SLC4A10: variants seen among roughly 807,000 people sequenced by gnomAD.
SLC4A10 encodes solute carrier family 4 member 10.
In SLC4A10, 42 loss-of-function variants were observed where a neutral mutation model predicts 137.7. That is an observed-to-expected ratio of 0.30 (90% confidence interval 0.24 to 0.39). SLC4A10 has a LOEUF of 0.39. Ranked by LOEUF, SLC4A10 falls within the 10% of genes least tolerant of loss-of-function variation. SLC4A10 has a pLI of 1.00. For synonymous variants in SLC4A10, 474 were observed against 464.1 expected (o/e 1.02, Z -0.27); for missense variants, 925 against 1,355.0 (o/e 0.68, Z 4.98).
intron 3 of SLC4A10, among the ~76,000 whole-genome samples, chr2:161,834,484 C>A (rs921722116): frequency 5.3e-5 from 8 of 152,036 alleles, no homozygotes; most frequent in African/African-American, 1.9e-4. Flanking sequence ...CTGGAGCCTC[C>A]CACATAAAGA....
intron 15 of SLC4A10, among the ~76,000 whole-genome samples, chr2:161,938,483 G>T (rs942281484): frequency 1.3e-5 from 2 of 150,932 alleles, no homozygotes; most frequent in African/African-American, 2.4e-5. Flanking sequence ...GATATTTATA[G>T]ATTATTATTA....
At chr2:161,681,827 G>T (rs1016307335) in intron 1 of SLC4A10, among the ~76,000 whole-genome samples, 6 of 152,050 alleles carry the variant, frequency 3.9e-5, no homozygotes, top group African/African-American at 1.2e-4. Context: ...GTGGGAAAAT[G>T]GGATCATGGA....
At chr2:161,625,753 G>A (rs2032213803) in intron 1 of SLC4A10, among the ~76,000 whole-genome samples, 1 of 152,048 alleles carries the variant, frequency 6.6e-6, no homozygotes, top group African/African-American at 2.4e-5. Flanking sequence ...CAACTGTGGC[G>A]ACTGAGCATG....
chr2:161,915,643 C>G (rs1686951160), intron 15 of SLC4A10, among the ~76,000 whole-genome samples: 1 of 151,236 alleles, frequency 6.6e-6, no homozygotes, highest in Non-Finnish European at 1.5e-5. Context: ...TGCCACAGAG[C>G]CTACACAGAG....
intron 3 of SLC4A10, among the ~76,000 whole-genome samples, chr2:161,828,786 ATATATAT>A (rs1559342834): frequency 8.9e-6 from 1 of 112,258 alleles, no homozygotes; most frequent in African/African-American, 3.5e-5. Context: ...ATATATATAT[ATATATAT>A]ATATATATAT....
intron 4 of SLC4A10, among the ~76,000 whole-genome samples, chr2:161,851,136 G>A (rs879661541): frequency 4.6e-5 from 7 of 152,124 alleles, no homozygotes; most frequent in Admixed American, 3.3e-4. Flanking sequence ...TAAGTATGTG[G>A]TCAATTTTAG....
chr2:161,759,142 T>C (rs1319078313), intron 1 of SLC4A10, among the ~76,000 whole-genome samples: 3 of 151,948 alleles, frequency 2.0e-5, no homozygotes, highest in African/African-American at 4.8e-5. Flanking sequence ...GGTGTCTTGG[T>C]TGGAAATTTT....
At chr2:161,877,885 A>G (rs755421319) in intron 8 of SLC4A10, among the ~76,000 whole-genome samples, 25 of 151,932 alleles carry the variant, frequency 1.6e-4, no homozygotes, top group Non-Finnish European at 3.5e-4. Flanking sequence ...TTTATATTTA[A>G]TCCTTGTGAA....
intron 16 of SLC4A10, among the ~76,000 whole-genome samples, chr2:161,943,953 T>G (rs1210014206): frequency 2.6e-5 from 4 of 151,960 alleles, no homozygotes; most frequent in Admixed American, 2.6e-4. Context: ...CTTTCAAAAT[T>G]GAAATCAAAT....
At chr2:161,914,346 A>G (rs909539816) in intron 15 of SLC4A10, among the ~76,000 whole-genome samples, 1 of 151,996 alleles carries the variant, frequency 6.6e-6, no homozygotes, top group Non-Finnish European at 1.5e-5. Context: ...TATAACCCCC[A>G]CCCCACCAAA....
chr2:161,851,722 G>T (rs1366859563), intron 4 of SLC4A10, among the ~76,000 whole-genome samples: 1 of 152,056 alleles, frequency 6.6e-6, no homozygotes, highest in African/African-American at 2.4e-5. Context: ...TTTTAAAAGT[G>T]AATTTGTTAT....
intron 1 of SLC4A10, among the ~76,000 whole-genome samples, chr2:161,630,862 T>C (rs1224002094): frequency 6.6e-6 from 1 of 151,750 alleles, no homozygotes; most frequent in Non-Finnish European, 1.5e-5. Flanking sequence ...CAAGTTCACA[T>C]AGCTAAGAAG....
At chr2:161,663,597 G>A (rs190877774) in intron 1 of SLC4A10, among the ~76,000 whole-genome samples, 2 of 152,144 alleles carry the variant, frequency 1.3e-5, no homozygotes, top group East Asian at 3.9e-4. Flanking sequence ...TTAAAGTGAG[G>A]GAAAATATAA....
At chr2:161,836,654 GA>G (rs34914585) in intron 3 of SLC4A10, among the ~76,000 whole-genome samples, 83,386 of 125,720 alleles carry the variant, frequency 0.66, 29,194 homozygotes, top group East Asian at 0.98. Flanking sequence ...AAAATTTCTG[GA>G]AAAAAAAAAA....
chr2:161,767,239 T>TATATATATACAC (rs2051006819), intron 1 of SLC4A10, among the ~76,000 whole-genome samples: 1 of 134,874 alleles, frequency 7.4e-6, no homozygotes, highest in African/African-American at 2.8e-5. Context: ...TATACACATA[T>TATATATATACAC]ATATATATAT....
intron 15 of SLC4A10, among the ~76,000 whole-genome samples, chr2:161,924,117 T>C (rs1688643757): frequency 6.6e-6 from 1 of 152,202 alleles, no homozygotes; most frequent in South Asian, 2.1e-4. Flanking sequence ...AGACTCATAT[T>C]CTATCTCCTC....
At chr2:161,780,644 T>A (rs1233435341) in intron 2 of SLC4A10, among the ~76,000 whole-genome samples, 2 of 152,098 alleles carry the variant, frequency 1.3e-5, no homozygotes, top group Non-Finnish European at 2.9e-5. Flanking sequence ...GCGGCTCATA[T>A]AAATCAATGA....
At chr2:161,642,946 G>A (rs1021243764) in intron 1 of SLC4A10, among the ~76,000 whole-genome samples, 1 of 151,910 alleles carries the variant, frequency 6.6e-6, no homozygotes, top group African/African-American at 2.4e-5. Context: ...TCCAGTTCAG[G>A]TTAGAATATT....
chr2:161,773,786 A>G (rs1018060770), intron 2 of SLC4A10, among the ~76,000 whole-genome samples: 1 of 151,894 alleles, frequency 6.6e-6, no homozygotes. Flanking sequence ...TATCAAATGT[A>G]TAATTTTCTC....
Sources: gnomAD v4.1 joint callset for allele counts (sites outside exome capture counted in the v4.1 genomes callset) on GRCh38, gnomAD v4.1.1 for gene constraint, MANE v1.5 for transcripts, NCBI Gene and HGNC (gene_info 2026-07-23, HGNC 2026-07-21) for gene names.